The following CPA6 variants were observed in gnomAD, a reference collection of about 807,000 sequenced individuals.
CPA6 encodes carboxypeptidase A6.
In CPA6, 58 loss-of-function variants were observed where a neutral mutation model predicts 63.3. The ratio of observed to expected loss-of-function variants is 0.92; its 90% CI spans 0.74 to 1.14. The LOEUF (loss-of-function observed/expected upper bound fraction) is 1.14. CPA6 is among the 50% of genes most tolerant of loss of function. The pLI, the probability that CPA6 is intolerant of heterozygous loss-of-function variation, is 0.00. For missense variants in CPA6, 565 were observed against 526.6 expected, an observed-to-expected ratio of 1.07 and a Z score of -0.71; for synonymous variants, 185 against 179.0, an observed-to-expected ratio of 1.03 and a Z score of -0.27.
chr8:67,733,284 C>A (rs1318058049), intron 1 of CPA6, among the ~76,000 whole-genome samples: 1 of 151,164 alleles, frequency 6.6e-6, no homozygotes, highest in Non-Finnish European at 1.5e-5. Context: ...TGGGCCCCAC[C>A]CCCAGAACTC....
chr8:67,638,395 A>G (rs1815517395), intron 1 of CPA6, among the ~76,000 whole-genome samples: 1 of 151,436 alleles, frequency 6.6e-6, no homozygotes. Flanking sequence ...ACCCTAAAAA[A>G]TCAACCTAAT....
intron 1 of CPA6, among the ~76,000 whole-genome samples, chr8:67,638,577 G>T (rs76657914): frequency 0.05 from 7,641 of 151,480 alleles, 382 homozygotes; most frequent in South Asian, 0.11. Flanking sequence ...TGCCTGCTGA[G>T]GGCTCACAGC....
At chr8:67,481,365 C>T (rs1811356396) in intron 8 of CPA6, among the ~76,000 whole-genome samples, 1 of 152,210 alleles carries the variant, frequency 6.6e-6, no homozygotes, top group Non-Finnish European at 1.5e-5. Context: ...TACCACTACT[C>T]TGACTTGTCG....
chr8:67,707,298 AG>A (rs1375356742), intron 1 of CPA6, among the ~76,000 whole-genome samples: 1 of 152,262 alleles, frequency 6.6e-6, no homozygotes, highest in Admixed American at 6.5e-5. Flanking sequence ...GACTGAACTA[AG>A]AGAAGACTGA....
At chr8:67,488,934 G>A (rs1811545676) in intron 6 of CPA6, among the ~76,000 whole-genome samples, 1 of 152,072 alleles carries the variant, frequency 6.6e-6, no homozygotes, top group Non-Finnish European at 1.5e-5. Flanking sequence ...TTGCTTATCA[G>A]CTTAAGGAGA....
intron 6 of CPA6, among the ~76,000 whole-genome samples, chr8:67,489,033 T>C (rs1470834799): frequency 6.6e-6 from 1 of 152,204 alleles, no homozygotes; most frequent in Non-Finnish European, 1.5e-5. Context: ...CCTAATTGAA[T>C]ACCATTTATT....
At chr8:67,434,816 G>A (rs1810111173) in intron 8 of CPA6, among the ~76,000 whole-genome samples, 1 of 152,190 alleles carries the variant, frequency 6.6e-6, no homozygotes, top group South Asian at 2.1e-4. Context: ...CCAAAGGAGG[G>A]ACCGCTGACA....
chr8:67,702,832 C>T, intron 1 of CPA6, among the ~76,000 whole-genome samples: 1 of 152,168 alleles, frequency 6.6e-6, no homozygotes, highest in Non-Finnish European at 1.5e-5. Context: ...AGAATCATGC[C>T]AATGTATAAA....
chr8:67,719,396 G>C (rs1007710961), intron 1 of CPA6, among the ~76,000 whole-genome samples: 1 of 152,046 alleles, frequency 6.6e-6, no homozygotes, highest in Admixed American at 6.6e-5. Flanking sequence ...TGGGGAAATG[G>C]GCAGGACCAC....
chr8:67,689,219 C>T (rs1179940679), intron 1 of CPA6, among the ~76,000 whole-genome samples: 3 of 152,024 alleles, frequency 2.0e-5, no homozygotes, highest in Non-Finnish European at 4.4e-5. Context: ...TAGTTATAGA[C>T]ATGTACATAT....
At chr8:67,568,678 A>G (rs73266665) in intron 2 of CPA6, among the ~76,000 whole-genome samples, 30 of 152,362 alleles carry the variant, frequency 2.0e-4, no homozygotes, top group African/African-American at 7.0e-4. Flanking sequence ...TGACACCATC[A>G]AGAGACCTAA....
chr8:67,510,651 C>T (rs972496718), intron 4 of CPA6, among the ~76,000 whole-genome samples: 1 of 152,174 alleles, frequency 6.6e-6, no homozygotes, highest in Non-Finnish European at 1.5e-5. Context: ...AGCAGCATCT[C>T]ATTTATTTTA....
chr8:67,455,713 GT>G, intron 8 of CPA6, among the ~76,000 whole-genome samples: 1 of 130,992 alleles, frequency 7.6e-6, no homozygotes, highest in African/African-American at 2.9e-5. Context: ...TGCCAAGACT[GT>G]TTTTTTTGTT....
At chr8:67,481,833 G>A (rs1811367384) in intron 8 of CPA6, among the ~76,000 whole-genome samples, 1 of 152,214 alleles carries the variant, frequency 6.6e-6, no homozygotes, top group African/African-American at 2.4e-5. Context: ...GAGGGAGGCA[G>A]GTCACACTTG....
At chr8:67,706,590 A>T (rs150229463) in intron 1 of CPA6, among the ~76,000 whole-genome samples, 1 of 152,186 alleles carries the variant, frequency 6.6e-6, no homozygotes, top group Non-Finnish European at 1.5e-5. Context: ...GTTTGTGAAA[A>T]ATTAATTTGT....
intron 2 of CPA6, among the ~76,000 whole-genome samples, chr8:67,583,729 C>T (rs16919069): frequency 0.067 from 10,209 of 152,000 alleles, 618 homozygotes; most frequent in African/African-American, 0.16. Flanking sequence ...GATTGTTAGG[C>T]GCTTGAGTTA....
chr8:67,619,811 C>G (rs1415750075), intron 2 of CPA6, among the ~76,000 whole-genome samples: 1 of 152,182 alleles, frequency 6.6e-6, no homozygotes, highest in Non-Finnish European at 1.5e-5. Context: ...ATCTGTGATC[C>G]CAATTCCTGT....
At chr8:67,553,028 T>C (rs1317666530) in intron 2 of CPA6, among the ~76,000 whole-genome samples, 2 of 152,100 alleles carry the variant, frequency 1.3e-5, no homozygotes, top group Non-Finnish European at 2.9e-5. Flanking sequence ...TTAAAATATG[T>C]TTGAATCAAT....
At chr8:67,632,257 A>T (rs969376515) in intron 1 of CPA6, among the ~76,000 whole-genome samples, 1 of 151,824 alleles carries the variant, frequency 6.6e-6, no homozygotes, top group African/African-American at 2.4e-5. Flanking sequence ...TGTAACCTCG[A>T]ACTTGTGAGC....
Sources: allele counts gnomAD v4.1 joint callset (sites outside exome capture counted in the v4.1 genomes callset), GRCh38; gene constraint gnomAD v4.1.1; transcripts MANE v1.5; gene names NCBI Gene and HGNC (gene_info 2026-07-23, HGNC 2026-07-21).